The following CACNA1D variants were observed in gnomAD, a reference collection of about 807,000 sequenced individuals.
CACNA1D encodes voltage-dependent L-type calcium channel subunit alpha-1D.
A neutral mutation model predicts 257.1 loss-of-function variants in CACNA1D; 55 were observed. That is an observed-to-expected ratio of 0.21 (90% CI 0.17 to 0.27). CACNA1D has a LOEUF of 0.27. CACNA1D is among the 10% of genes least tolerant of loss of function. The pLI, the probability that CACNA1D is intolerant of heterozygous loss-of-function variation, is 1.00. For missense variants in CACNA1D, 1,876 were observed against 2,784.0 expected (o/e 0.67, Z 7.34); for synonymous variants, 980 against 1,014.9 (o/e 0.97, Z 0.65).
chr3:53,718,116 A>T (rs2094839430), intron 9 of CACNA1D, among the ~76,000 whole-genome samples, 185 bp from the exon 10 acceptor site: 1 of 151,960 alleles, frequency 6.6e-6, no homozygotes, highest in Non-Finnish European at 1.5e-5. Context: ...GGGTGCAGAG[A>T]CTCGCCTGCA....
intron 10 of CACNA1D, 182 bp downstream of exon 10, chr3:53,718,570 T>TGCCCCC: frequency 5.6e-6 from 4 of 717,922 alleles, no homozygotes; most frequent in East Asian, 5.5e-5. Flanking sequence ...CCTGCACACC[T>TGCCCCC]CCCCACCCCC....
At chr3:53,682,357 G>GTC (rs1223135097) in intron 8 of CACNA1D, among the ~76,000 whole-genome samples, 1 of 70,098 alleles carries the variant, frequency 1.4e-5, no homozygotes, top group Non-Finnish European at 2.6e-5. Context: ...GCGAGGCTTT[G>GTC]TCTCTGGTAA....
chr3:53,691,289 A>G (rs1008157926), intron 8 of CACNA1D, among the ~76,000 whole-genome samples: 2 of 151,838 alleles, frequency 1.3e-5, no homozygotes, highest in African/African-American at 4.8e-5. Flanking sequence ...ACAGGTGCAC[A>G]CCACTACGCC....
intron 8 of CACNA1D, among the ~76,000 whole-genome samples, chr3:53,690,148 C>A (rs1209310261): frequency 6.6e-6 from 1 of 152,126 alleles, no homozygotes; most frequent in Admixed American, 6.5e-5. Context: ...AAATCTAGAT[C>A]TGTCTGTCTC....
At chr3:53,731,985 C>A in intron 17 of CACNA1D, 31 bp from the exon 18 acceptor site, 1 of 1,417,314 alleles carries the variant, frequency 7.1e-7, no homozygotes, top group Non-Finnish European at 1.0e-6. Flanking sequence ...AGTCAGTCTC[C>A]CCTCCTCCCA....
intron 3 of CACNA1D, among the ~76,000 whole-genome samples, chr3:53,633,178 C>T (rs1295999644): frequency 6.6e-6 from 1 of 152,210 alleles, no homozygotes; most frequent in Non-Finnish European, 1.5e-5. Flanking sequence ...CTCCTTTTAA[C>T]CGTGCTTTCA....
intron 8 of CACNA1D, among the ~76,000 whole-genome samples, chr3:53,699,054 A>G (rs1373024712): frequency 6.6e-6 from 1 of 152,134 alleles, no homozygotes; most frequent in Non-Finnish European, 1.5e-5. Context: ...TTTTCCCATC[A>G]TTGCAAAGTT....
chr3:53,650,711 C>T, intron 3 of CACNA1D, 68 bp from the exon 4 acceptor site: 1 of 1,517,456 alleles, frequency 6.6e-7, no homozygotes, highest in African/African-American at 1.4e-5. Flanking sequence ...AATCTCTGTT[C>T]CTTTTTCTGT....
chr3:53,596,672 G>T (rs1219699460), intron 3 of CACNA1D, among the ~76,000 whole-genome samples: 1 of 152,202 alleles, frequency 6.6e-6, no homozygotes, highest in Non-Finnish European at 1.5e-5. Flanking sequence ...AGGAATGTGG[G>T]CAGCCTTAGA....
chr3:53,632,893 A>G (rs764705846), intron 3 of CACNA1D, among the ~76,000 whole-genome samples: 16 of 152,232 alleles, frequency 1.1e-4, no homozygotes, highest in African/African-American at 2.4e-4. Flanking sequence ...GTGATCATAG[A>G]TCACCGTACC....
At chr3:53,625,867 T>A (rs2108075128) in intron 3 of CACNA1D, among the ~76,000 whole-genome samples, 1 of 152,220 alleles carries the variant, frequency 6.6e-6, no homozygotes, top group Non-Finnish European at 1.5e-5. Context: ...AGGTTCAGGG[T>A]ATTCAATGCA....
intron 3 of CACNA1D, among the ~76,000 whole-genome samples, chr3:53,544,743 C>T (rs1447396612): frequency 2.0e-5 from 3 of 152,166 alleles, no homozygotes; most frequent in Admixed American, 6.5e-5. Flanking sequence ...CATGGCGAAT[C>T]GGATGGTTTG....
intron 3 of CACNA1D, among the ~76,000 whole-genome samples, chr3:53,613,333 T>A (rs2093602857): frequency 1.3e-5 from 2 of 152,194 alleles, no homozygotes; most frequent in African/African-American, 4.8e-5. Context: ...CAGTTTGTTA[T>A]CCCTCCCTCT....
intron 40 of CACNA1D, among the ~76,000 whole-genome samples, chr3:53,797,322 T>C (rs2095512042): frequency 6.6e-6 from 1 of 152,198 alleles, no homozygotes; most frequent in Non-Finnish European, 1.5e-5. Context: ...TCACTCCCAG[T>C]CGTGGGGGAC....
intron 4 of CACNA1D, among the ~76,000 whole-genome samples, chr3:53,654,297 A>T (rs991117272): frequency 1.3e-5 from 2 of 152,204 alleles, no homozygotes; most frequent in Non-Finnish European, 2.9e-5. Flanking sequence ...ATATACAGAT[A>T]TTTCTCCCCT....
Position 53,494,666 on chromosome 3 carries a change from C to T in CACNA1D, c.-501C>T, listed in dbSNP as rs1459900270. On this transcript the variant is annotated 5_prime_UTR_variant, in exon 1 of 48. Transcript: ENST00000350061. Reference sequence around the variant, plus strand: ...GCGGAGCGAGCGGGCGGGCGAGCGCCTCCGTCCCCGGATGTGAGCTCCGGC... The same window carrying T: ...GCGGAGCGAGCGGGCGGGCGAGCGCTTCCGTCCCCGGATGTGAGCTCCGGC... 2.1e-5 allele frequency: 3 copies of T among 145,894 alleles called. No individual in the cohort carries two copies. The highest frequency in any genetic ancestry group is 7.4e-5 in the African/African-American group (3 of 40,568). The allele number at this position is 145,894 out of a possible 1,614,324, so 9.0% of individuals were successfully genotyped here. A position where few individuals can be genotyped will look rare whatever the true frequency, so the allele number is the denominator to read the frequency against.
In CACNA1D at chr3:53,776,668, T is replaced by G; in HGVS notation, c.4428T>G (p.Ile1476Met). 6.2e-7 allele frequency: 1 copy of G among 1,614,186 alleles called. No homozygotes were observed. The highest frequency in any genetic ancestry group is 1.1e-5 in the South Asian group (1 of 91,084). ...ACTATCTGACCCGGGACTGGTCTATTTTGGGGCCTCACCATTTAGATGAAT... is the reference window on the plus strand; with the variant it reads ...ACTATCTGACCCGGGACTGGTCTATGTTGGGGCCTCACCATTTAGATGAAT... ...NFDYLTRDWS[I>M]LGPHHLDEFK... is the part of the protein sequence containing the mutation. Residue 1476 changes from isoleucine (I) to methionine (M), a missense_variant, in exon 36 of 48, where the codon ATT becomes ATG. Ile to Met is a conservative substitution (Grantham distance 10). This residue lies in a region of CACNA1D where 83 missense variants were observed against 210.7 expected (regional missense o/e 0.39). Transcript: ENST00000350061.
intron 8 of CACNA1D, among the ~76,000 whole-genome samples, chr3:53,695,142 A>C (rs1321014476): frequency 6.6e-6 from 1 of 152,198 alleles, no homozygotes; most frequent in Non-Finnish European, 1.5e-5. Flanking sequence ...ATGGGCAACA[A>C]AAAATGGACT....
chr3:53,584,775 G>A (rs1182497359), intron 3 of CACNA1D, among the ~76,000 whole-genome samples: 2 of 152,178 alleles, frequency 1.3e-5, no homozygotes, highest in African/African-American at 2.4e-5. Flanking sequence ...GGGTGTATGT[G>A]CTTAACAAAA....
Sources: gnomAD v4.1 joint callset for allele counts (sites outside exome capture counted in the v4.1 genomes callset) on GRCh38, gnomAD v4.1.1 for gene constraint, gnomAD v4.1.1 regional missense constraint, MANE v1.5 for transcripts, NCBI Gene and HGNC (gene_info 2026-07-23, HGNC 2026-07-21) for gene names.